MUC5AC: variants seen among roughly 807,000 people sequenced by gnomAD.
MUC5AC encodes mucin 5AC, oligomeric mucus/gel-forming.
A neutral mutation model predicts 169.7 loss-of-function variants in MUC5AC; 158 were observed. That is an observed-to-expected ratio of 0.93 (90% confidence interval 0.82 to 1.06). The LOEUF (loss-of-function observed/expected upper bound fraction) is 1.06, where lower values mean the gene tolerates loss of function less well. Among genes scored for constraint, MUC5AC ranks in the 50% least tolerant of loss-of-function variants. The pLI is 0.00. For synonymous variants in MUC5AC, 1,975 were observed against 1,237.0 expected, an observed-to-expected ratio of 1.60 and a Z score of -12.52; for missense variants, 4,359 against 3,089.9, an observed-to-expected ratio of 1.41 and a Z score of -9.74.
intron 40 of MUC5AC, among the ~76,000 whole-genome samples, chr11:1,197,113 C>T (rs927718890): frequency 2.0e-5 from 3 of 152,192 alleles, no homozygotes; most frequent in Non-Finnish European, 2.9e-5. Flanking sequence ...CCACTCTGTC[C>T]GTATTGGGGA....
rs28415193 is a variant in MUC5AC at position 1,195,214 on chromosome 11, G to T, written c.15393G>T (p.Thr5131=). ...TVGPTTVGST[T]VGPTTPPAPC... ...GGCCCACCACAGTTGGGTCTACCAC[G>T]GTCGGGCCCACCACACCGCCTGCTC... The change falls in exon 36 of 49, where the codon ACG becomes ACT. Residue 5131 remains threonine (T), a synonymous_variant. Transcript: ENST00000621226. 9 of 760,404 alleles carry T rather than the reference G, an allele frequency of 1.2e-5. No homozygotes were observed. The highest frequency in any genetic ancestry group is 5.1e-5 in the Admixed American group (3 of 58,470). The allele number at this position is 760,404 out of a possible 1,614,324, so 47.1% of individuals were successfully genotyped here. A position where few individuals can be genotyped will look rare whatever the true frequency, so the allele number is the denominator to read the frequency against.
rs374724880 is a variant in MUC5AC at position 1,192,423 on chromosome 11, G to A, written c.14278G>A (p.Val4760Met). 70 of 764,920 alleles carry A rather than the reference G, an allele frequency of 9.2e-5. No homozygotes were observed. The highest frequency in any genetic ancestry group is 1.4e-4 in the Non-Finnish European group (58 of 417,890). 47.4% of individuals were successfully genotyped at this position (764,920 alleles called of 1,614,324 possible). The change falls in exon 31 of 49, where the codon GTG becomes ATG. Residue 4760 changes from valine to methionine, a missense_variant. Val to Met is a conservative substitution (Grantham distance 21, BLOSUM62 1). Coordinates refer to ENST00000621226, the MANE Select transcript of MUC5AC (RefSeq NM_001304359.2). ...GTCTACTTCCATGGTATCCGCCTCC[G>A]TGGCATCCACCTCTGTGGCATCCAG... is the stretch of plus-strand genomic sequence containing the variant. The part of the protein sequence containing the change: ...SLSTSMVSAS[V>M]ASTSVASSSV...
chr11:1,166,485 C>T (rs112091208), intron 11 of MUC5AC, among the ~76,000 whole-genome samples: 15 of 132,616 alleles, frequency 1.1e-4, no homozygotes, highest in South Asian at 8.0e-4. Flanking sequence ...AACACACAGT[C>T]TCTCCACGAT....
At position 1,199,171 on chromosome 11, in the gene MUC5AC, G is replaced by A. The variant is rs371266904; in HGVS notation, c.16381G>A (p.Ala5461Thr). ...TGTCACCAACACCAGCAAGAGCCCC[G>A]CCCACCTCTTCTACGTGAGTAGTGG... Reference protein sequence around the residue: ...ACVTNTSKSPAHLFYPGETWS... With the variant: ...ACVTNTSKSPTHLFYPGETWS... Residue 5461 changes from alanine to threonine, a missense_variant, in exon 45 of 49, where the codon GCC becomes ACC. By Grantham distance (58) the Ala-to-Thr change is moderately conservative (BLOSUM62 0). Transcript: ENST00000621226. 184 of 763,236 alleles carry A rather than the reference G, an allele frequency of 2.4e-4. 1 individual carries two copies. The Middle Eastern group carries it at 4.7e-3, about 20-fold the overall frequency. The allele number at this position is 763,236 out of a possible 1,614,324, so 47.3% of individuals were successfully genotyped here. A position where few individuals can be genotyped will look rare whatever the true frequency, so the allele number is the denominator to read the frequency against.
chr11:1,197,866 G>C, intron 41 of MUC5AC, 37 bp from the exon 42 acceptor site: 1 of 696,392 alleles, frequency 1.4e-6, no homozygotes, highest in South Asian at 1.5e-5. Context: ...TGGGGGCGGG[G>C]GACAGACTCC....
Position 1,184,911 on chromosome 11 carries a change from G to T in MUC5AC, c.6766G>T (p.Val2256Leu). The change falls in exon 31 of 49, where the codon GTG (valine) becomes TTG (leucine). Residue 2256 changes from valine to leucine, a missense_variant. Physicochemically the swap from Val to Leu is conservative, Grantham distance 32. Coordinates refer to ENST00000621226, the MANE Select transcript of MUC5AC (RefSeq NM_001304359.2). ...SWQKSRTTTL[V>L]TTSTTSTPQT... ...GCAGAAATCCAGGACAACCACTTTG[G>T]TGACAACCAGCACAACCTCCACTCC... is the stretch of plus-strand genomic sequence containing the variant. The T allele has an allele frequency of 1.6e-6, 1 of 628,502 alleles. No individual in the cohort carries two copies. The highest frequency in any genetic ancestry group is 2.8e-6 in the Non-Finnish European group (1 of 351,284). 38.9% of individuals were successfully genotyped at this position (628,502 alleles called of 1,614,324 possible). A position where few individuals can be genotyped will look rare whatever the true frequency, so the allele number is the denominator to read the frequency against.
chr11:1,198,081 G>A (rs1861330562), intron 42 of MUC5AC, 77 bp downstream of exon 42: 1 of 643,854 alleles, frequency 1.6e-6, no homozygotes, highest in East Asian at 2.7e-5. Context: ...GCCATAACCA[G>A]ATGCCAGTGC....
chr11:1,168,491 G>C lies in MUC5AC; in HGVS notation c.1506G>C (p.Val502=), dbSNP rs1860397775. The change falls in exon 13 of 49, where the codon GTG becomes GTC. Residue 502 remains valine, a synonymous_variant. Coordinates refer to ENST00000621226, the MANE Select transcript of MUC5AC (RefSeq NM_001304359.2). ...TGTCTGGCTGCCCTCAGGTGGTGGTGATCAAGGCCAGTGGGGAAGTGTTCC... is the reference window on the plus strand; with the variant it reads ...TGTCTGGCTGCCCTCAGGTGGTGGTCATCAAGGCCAGTGGGGAAGTGTTCC... ...LSLDGAQTVV[V]IKASGEVFLN... 2.5e-6 allele frequency: 4 copies of C among 1,612,232 alleles called. No homozygotes were observed. The highest frequency in any genetic ancestry group is 1.6e-4 in the Middle Eastern group (1 of 6,062).
In MUC5AC at chr11:1,187,122, A is replaced by G; in HGVS notation, c.8977A>G (p.Thr2993Ala). The change falls in exon 31 of 49, where the codon ACA becomes GCA. Residue 2993 changes from threonine (T) to alanine (A), a missense_variant. Transcript: ENST00000621226. ...CACCACCAGCACAACCTCTGCTCCC[A>G]CAACAAGCACAACCTCTGCCCCTAC... Reference protein sequence around the residue: ...VPTTSTTSAPTTSTTSAPTTS... With the variant: ...VPTTSTTSAPATSTTSAPTTS... 2 of 721,460 alleles carry G rather than the reference A, an allele frequency of 2.8e-6. No individual in the cohort carries two copies. The highest frequency in any genetic ancestry group is 2.9e-5 in the South Asian group (2 of 69,380). 44.7% of individuals were successfully genotyped at this position (721,460 alleles called of 1,614,324 possible).
Position 1,191,047 on chromosome 11 carries a change from C to A in MUC5AC, c.12902C>A (p.Pro4301His). The change falls in exon 31 of 49, where the codon CCC becomes CAC. Residue 4301 changes from proline to histidine, a missense_variant. By Grantham distance (77) the Pro-to-His change is moderately conservative. Transcript: ENST00000621226. ...CCTGGAACTACTCCCAGCCCTGTTC[C>A]CACCACCAGCACAACCTCTGCTCCT... is the stretch of plus-strand genomic sequence containing the variant. ...SGPGTTPSPV[P>H]TTSTTSAPTT... 1 of 751,356 alleles carries A rather than the reference C, an allele frequency of 1.3e-6. No individual in the cohort carries two copies. Among genetic ancestry groups the A allele is most frequent in the Non-Finnish European group, 2.4e-6 (1 of 410,676 alleles). 46.5% of individuals were successfully genotyped at this position (751,356 alleles called of 1,614,324 possible). A position where few individuals can be genotyped will look rare whatever the true frequency, so the allele number is the denominator to read the frequency against.
intron 33 of MUC5AC, 128 bp downstream of exon 33, chr11:1,193,787 C>A: frequency 1.6e-6 from 1 of 643,382 alleles, no homozygotes; most frequent in South Asian, 1.7e-5. Flanking sequence ...GCAGGAAGGA[C>A]TTCCCAGCAT....
intron 1 of MUC5AC, 30 bp from the exon 2 acceptor site, chr11:1,160,582 C>A: frequency 6.3e-7 from 1 of 1,589,422 alleles, no homozygotes; most frequent in Non-Finnish European, 8.5e-7. Flanking sequence ...CACCCTGCAT[C>A]TGGGCTCAGC....
intron 6 of MUC5AC, 94 bp from the exon 7 acceptor site, chr11:1,163,788 C>A: frequency 3.0e-6 from 3 of 1,012,798 alleles, no homozygotes; most frequent in Non-Finnish European, 3.0e-6. Context: ...CTAACCCCAC[C>A]CCAGGGACCC....
intron 8 of MUC5AC, 25 bp downstream of exon 8, chr11:1,164,344 C>A (rs1860239515): frequency 6.2e-7 from 1 of 1,611,766 alleles, no homozygotes; most frequent in Non-Finnish European, 8.5e-7. Context: ...CCCCTGTCCC[C>A]CAACCCCTTT....
intron 30 of MUC5AC, 78 bp from the exon 31 acceptor site, chr11:1,182,070 AGACCGGT>A (rs1392532368): frequency 1.0e-5 from 4 of 391,442 alleles, no homozygotes; most frequent in Non-Finnish European, 1.8e-5. Context: ...GCGCAGCTCC[AGACCGGT>A]GACAGAGCCG....
rs1554928455 is a variant in MUC5AC at position 1,188,041 on chromosome 11, G to A, written c.9896G>A (p.Arg3299Gln). The change falls in exon 31 of 49, where the codon CGG becomes CAG. Residue 3299 changes from arginine (R) to glutamine (Q), a missense_variant. Coordinates refer to ENST00000621226, the MANE Select transcript of MUC5AC (RefSeq NM_001304359.2). ...AGCCGTGAAGAGGGCCTGGTGTGCC[G>A]GAACCAGGACCAGCAGGGACCCTTC... is the stretch of plus-strand genomic sequence containing the variant. ...QCSREEGLVC[R>Q]NQDQQGPFKM... is the part of the protein sequence containing the mutation. 86 of 754,712 alleles carry A rather than the reference G, an allele frequency of 1.1e-4. No individual in the cohort carries two copies. The highest frequency in any genetic ancestry group is 3.8e-4 in the African/African-American group (22 of 58,620). 46.8% of individuals were successfully genotyped at this position (754,712 alleles called of 1,614,324 possible). A position where few individuals can be genotyped will look rare whatever the true frequency, so the allele number is the denominator to read the frequency against.
chr11:1,190,837 C>A lies in MUC5AC; in HGVS notation c.12692C>A (p.Thr4231Asn). The A allele has an allele frequency of 2.7e-6, 2 of 741,864 alleles. No individual in the cohort carries two copies. Among genetic ancestry groups the A allele is most frequent in the Admixed American group, 3.6e-5 (2 of 55,436 alleles). 46.0% of individuals were successfully genotyped at this position (741,864 alleles called of 1,614,324 possible). A position where few individuals can be genotyped will look rare whatever the true frequency, so the allele number is the denominator to read the frequency against. Residue 4231 changes from threonine (T) to asparagine (N), a missense_variant, in exon 31 of 49, where the codon ACC becomes AAC. By Grantham distance (65) the Thr-to-Asn change is moderately conservative. Coordinates refer to ENST00000621226, the MANE Select transcript of MUC5AC (RefSeq NM_001304359.2). ...ACTACTCCAAGCCCTGTTCCCACCA[C>A]CAGCACAACCTCTGCCTCTACAACC... The part of the protein sequence containing the change: ...SGTTPSPVPT[T>N]STTSASTTST...
chr11:1,171,982 C>CTCAG (rs1196845412), intron 15 of MUC5AC, among the ~76,000 whole-genome samples: 1 of 151,026 alleles, frequency 6.6e-6, no homozygotes, highest in African/African-American at 2.4e-5. Flanking sequence ...CACTCACTCA[C>CTCAG]TCAGTCATTC....
At chr11:1,163,342 G>A (rs1860202212) in intron 6 of MUC5AC, among the ~76,000 whole-genome samples, 1 of 152,202 alleles carries the variant, frequency 6.6e-6, no homozygotes, top group Admixed American at 6.5e-5. Flanking sequence ...CTCCTTCTTG[G>A]TCTTTGAGTC....
Sources: gnomAD v4.1 joint callset for allele counts (sites outside exome capture counted in the v4.1 genomes callset) on GRCh38, gnomAD v4.1.1 for gene constraint, MANE v1.5 for transcripts, NCBI Gene and HGNC (gene_info 2026-07-23, HGNC 2026-07-21) for gene names.